ITGA9: variants seen among roughly 807,000 people sequenced by gnomAD.
ITGA9 encodes the protein integrin alpha-9.
A neutral mutation model predicts 127.8 loss-of-function variants in ITGA9; 56 were observed. That is an observed-to-expected ratio of 0.44 (90% confidence interval 0.35 to 0.55). The LOEUF (loss-of-function observed/expected upper bound fraction) is 0.55. ITGA9 is among the 20% of genes least tolerant of loss of function. The pLI is 0.00. For synonymous variants in ITGA9, 508 were observed against 514.5 expected, an observed-to-expected ratio of 0.99 and a Z score of 0.17; for missense variants, 1,196 against 1,347.1, an observed-to-expected ratio of 0.89 and a Z score of 1.76.
intron 26 of ITGA9, among the ~76,000 whole-genome samples, chr3:37,794,814 CT>C (rs922016403): frequency 4.6e-5 from 7 of 152,336 alleles, no homozygotes; most frequent in Non-Finnish European, 1.0e-4. Flanking sequence ...TTTGACATCT[CT>C]GTTCATCACA....
intron 17 of ITGA9, among the ~76,000 whole-genome samples, chr3:37,665,340 A>G (rs1700576264): frequency 6.6e-6 from 1 of 152,158 alleles, no homozygotes; most frequent in African/African-American, 2.4e-5. Context: ...TCAATGGTAT[A>G]TTCTTGAAAG....
Position 37,803,868 on chromosome 3 carries a change from G to A in ITGA9, c.2935G>A (p.Val979Met), listed in dbSNP as rs750953733. Residue 979 changes from valine (V) to methionine (M), a missense_variant, in exon 27 of 28, where the codon GTG (valine) becomes ATG (methionine). Coordinates refer to ENST00000264741, the MANE Select transcript of ITGA9 (RefSeq NM_002207.3). ...LHNLEPRGYV[V>M]GWIIAISLLV... ...CAATCTGGAGCCCCGTGGCTACGTC[G>A]TGGGGTGGATCATCGCCATCAGTTT... The A allele has an allele frequency of 5.6e-6, 9 of 1,614,150 alleles. No individual in the cohort carries two copies. Among genetic ancestry groups the A allele is most frequent in the East Asian group, 2.2e-5 (1 of 44,888 alleles).
chr3:37,708,693 C>G (rs1559574532), intron 18 of ITGA9, among the ~76,000 whole-genome samples: 2 of 152,296 alleles, frequency 1.3e-5, no homozygotes, highest in Non-Finnish European at 2.9e-5. Flanking sequence ...AAGAATTATC[C>G]AGCCCCAATG....
chr3:37,750,444 T>C lies in ITGA9; in HGVS notation c.2434-18T>C. 1 of 1,405,832 alleles carries C rather than the reference T, an allele frequency of 7.1e-7. No individual in the cohort carries two copies. The highest frequency in any genetic ancestry group is 1.0e-6 in the Non-Finnish European group (1 of 989,810). 87.1% of individuals were successfully genotyped at this position (1,405,832 alleles called of 1,614,324 possible). ...CTATTTTCCACTGAGACTTGCTGTG[T>C]GTGTTCCACACCCACAGGTCTACAA... On this transcript the variant is annotated intron_variant, in intron 22 of 27. Coordinates refer to ENST00000264741, the MANE Select transcript of ITGA9 (RefSeq NM_002207.3).
chr3:37,474,600 C>A (rs573917485), intron 3 of ITGA9, among the ~76,000 whole-genome samples: 3 of 152,348 alleles, frequency 2.0e-5, no homozygotes, highest in African/African-American at 7.2e-5. Flanking sequence ...AGAACCCCTG[C>A]ACCCTTTCCC....
At chr3:37,582,911 C>A (rs1270396039) in intron 15 of ITGA9, among the ~76,000 whole-genome samples, 1 of 152,208 alleles carries the variant, frequency 6.6e-6, no homozygotes, top group Non-Finnish European at 1.5e-5. Context: ...ACTTGTCAAC[C>A]AGTAGGCCTT....
chr3:37,732,692 G>T lies in ITGA9; in HGVS notation c.2068-20G>T. 3.8e-6 allele frequency: 6 copies of T among 1,592,270 alleles called. No homozygotes were observed. The highest frequency in any genetic ancestry group is 5.1e-6 in the Non-Finnish European group (6 of 1,167,758). ...TGCCTTTTGTGCAGCCGGCCCATCTGTTGGTGCTTTTTCTTTCAGGAGGAG... is the reference window on the plus strand; with the variant it reads ...TGCCTTTTGTGCAGCCGGCCCATCTTTTGGTGCTTTTTCTTTCAGGAGGAG... On this transcript the variant is annotated intron_variant, in intron 18 of 27. Transcript: ENST00000264741.
intron 17 of ITGA9, among the ~76,000 whole-genome samples, chr3:37,668,527 T>C (rs1373823735): frequency 6.6e-6 from 1 of 152,130 alleles, no homozygotes; most frequent in Non-Finnish European, 1.5e-5. Context: ...CAGGGAGCCA[T>C]GTGTGGTTTC....
At chr3:37,650,307 A>C (rs956787557) in intron 16 of ITGA9, among the ~76,000 whole-genome samples, 1 of 152,200 alleles carries the variant, frequency 6.6e-6, no homozygotes, top group African/African-American at 2.4e-5. Flanking sequence ...AGTAGTTTCA[A>C]AGTCACATTG....
intron 13 of ITGA9, among the ~76,000 whole-genome samples, chr3:37,530,853 G>A (rs1232890029): frequency 6.8e-6 from 1 of 147,150 alleles, no homozygotes; most frequent in Non-Finnish European, 1.5e-5. Context: ...CCGGGTTCAC[G>A]TCATTCTTCT....
chr3:37,780,045 G>GTGGA (rs1165603580), intron 25 of ITGA9, 24 bp downstream of exon 25: 2 of 1,613,132 alleles, frequency 1.2e-6, no homozygotes, highest in Middle Eastern at 1.7e-4. Context: ...AACCGCACTT[G>GTGGA]TGGATGCATT....
chr3:37,609,712 TC>T (rs1699999789), intron 15 of ITGA9, among the ~76,000 whole-genome samples: 2 of 152,314 alleles, frequency 1.3e-5, no homozygotes, highest in East Asian at 1.9e-4. Context: ...TGGTCTCTGC[TC>T]CATGATGCCT....
At position 37,452,488 on chromosome 3, in the gene ITGA9, G is replaced by T. The variant is rs1245456483; in HGVS notation, c.114G>T (p.Val38=). ...GAYNLDPQRP[V]HFQGPADSFF... ...ACAACCTCGACCCGCAGCGCCCCGT[G>T]CACTTCCAGGGCCCCGCTGACTCGT... The change falls in exon 1 of 28, where the codon GTG becomes GTT. Residue 38 remains valine (V), a synonymous_variant. Coordinates refer to ENST00000264741, the MANE Select transcript of ITGA9 (RefSeq NM_002207.3). The surrounding 1 kb of genome is among the most constrained non-coding windows in gnomAD (Gnocchi z 7.3). 2 of 1,517,630 alleles carry T rather than the reference G, an allele frequency of 1.3e-6. No homozygotes were observed. Among genetic ancestry groups the T allele is most frequent in the Non-Finnish European group, 1.8e-6 (2 of 1,132,460 alleles). 94.0% of individuals were successfully genotyped at this position (1,517,630 alleles called of 1,614,324 possible).
intron 23 of ITGA9, among the ~76,000 whole-genome samples, chr3:37,771,646 C>T (rs1439258464): frequency 6.6e-6 from 1 of 152,198 alleles, no homozygotes; most frequent in East Asian, 1.9e-4. Context: ...GTTTCCTTAT[C>T]TGTCAGCTGA....
intron 17 of ITGA9, among the ~76,000 whole-genome samples, chr3:37,676,348 A>G (rs1700682351): frequency 6.6e-6 from 1 of 152,232 alleles, no homozygotes; most frequent in Non-Finnish European, 1.5e-5. Context: ...CAAATGCCAC[A>G]TGTTATCTGT....
At chr3:37,774,379 T>TC (rs1033462098) in intron 23 of ITGA9, among the ~76,000 whole-genome samples, 2 of 152,158 alleles carry the variant, frequency 1.3e-5, no homozygotes, top group Admixed American at 6.5e-5. Flanking sequence ...TAGTGTGTTT[T>TC]CCCCAAATGT....
At chr3:37,653,579 T>G in intron 16 of ITGA9, 135 bp from the exon 17 acceptor site, 1 of 765,902 alleles carries the variant, frequency 1.3e-6, no homozygotes, top group Non-Finnish European at 2.4e-6. Flanking sequence ...AGAGCTGGCT[T>G]TTTGGAGGTG....
At position 37,741,718 on chromosome 3, in the gene ITGA9, C is replaced by A. The variant is rs2000495; in HGVS notation, c.2235-12C>A. 3 of 1,609,914 alleles carry A rather than the reference C, an allele frequency of 1.9e-6. No individual in the cohort carries two copies. On this transcript the variant is annotated splice_polypyrimidine_tract_variant and intron_variant, in intron 20 of 27. Transcript: ENST00000264741. The stretch of plus-strand genomic sequence containing the variant: ...TTGGCCAGCGTTCATTCATTCTCCT[C>A]TCTCTGCACAGTGGCAACACGGAGC...
chr3:37,659,215 T>C (rs1477774193), intron 17 of ITGA9, among the ~76,000 whole-genome samples: 1 of 152,184 alleles, frequency 6.6e-6, no homozygotes, highest in Non-Finnish European at 1.5e-5. Context: ...TGAATTTGAA[T>C]GTTAGCCTGT....
Sources: allele counts gnomAD v4.1 joint callset (sites outside exome capture counted in the v4.1 genomes callset), GRCh38; gene constraint gnomAD v4.1.1; non-coding constraint Gnocchi (gnomAD v3.1); transcripts MANE v1.5; gene names NCBI Gene and HGNC (gene_info 2026-07-23, HGNC 2026-07-21).